MMP20: variants seen among roughly 807,000 people sequenced by gnomAD.
MMP20 encodes the protein matrix metallopeptidase 20, also known as matrix metalloproteinase-20.
A neutral mutation model predicts 51.8 loss-of-function variants in MMP20; 50 were observed. That is an observed-to-expected ratio of 0.97 (90% CI 0.77 to 1.22). The LOEUF is 1.22. Among genes scored for constraint, MMP20 ranks in the 50% most tolerant of loss-of-function variants. The pLI, the probability that MMP20 is intolerant of heterozygous loss-of-function variation, is 0.00. For missense variants in MMP20, 663 were observed against 601.4 expected (o/e 1.10, Z -1.07); for synonymous variants, 244 against 216.2 (o/e 1.13, Z -1.13).
intron 8 of MMP20, among the ~76,000 whole-genome samples, chr11:102,589,000 C>T (rs938762252): frequency 5.3e-5 from 8 of 152,102 alleles, no homozygotes; most frequent in African/African-American, 1.9e-4. Context: ...ATTTTTATAA[C>T]ATTAATCTTA....
At chr11:102,618,629 T>C (rs2135947859) in intron 1 of MMP20, among the ~76,000 whole-genome samples, 1 of 152,216 alleles carries the variant, frequency 6.6e-6, no homozygotes, top group African/African-American at 2.4e-5. Context: ...GGAGAAATCT[T>C]TATAAGGTTA....
At chr11:102,616,172 C>T (rs559779880) in intron 2 of MMP20, among the ~76,000 whole-genome samples, 4 of 152,254 alleles carry the variant, frequency 2.6e-5, no homozygotes, top group African/African-American at 9.6e-5. Context: ...AAGAGTGGAA[C>T]TGCTTCTGCT....
rs200927711 is a variant in MMP20 at position 102,617,546 on chromosome 11, AG to A, written c.127-488del. ...AGATCAGTATGCTTTTAACTCTTAA[AG>A]GCATTGTATTCCAGCCTCTCACACT... is the stretch of plus-strand genomic sequence containing the variant. On this transcript the variant is annotated intron_variant, in intron 1 of 9. Coordinates refer to ENST00000260228, the MANE Select transcript of MMP20 (RefSeq NM_004771.4). Among the ~76,000 whole-genome samples, 321 of 152,306 alleles carry A rather than the reference AG, an allele frequency of 2.1e-3. 1 individual carries two copies. Among genetic ancestry groups the A allele is most frequent in the East Asian group, 0.011 (58 of 5,184 alleles).
intron 8 of MMP20, among the ~76,000 whole-genome samples, chr11:102,583,886 A>C (rs983893622): frequency 3.3e-5 from 5 of 152,146 alleles, no homozygotes; most frequent in African/African-American, 1.2e-4. Flanking sequence ...CAATATGCAG[A>C]TTTTCATGAC....
chr11:102,586,486 G>A (rs1859255641), intron 8 of MMP20, among the ~76,000 whole-genome samples: 1 of 151,970 alleles, frequency 6.6e-6, no homozygotes. Context: ...GAGTAGCAAT[G>A]TCTCCTCTTT....
Position 102,608,946 on chromosome 11 carries a change from C to T in MMP20, c.802G>A (p.Ala268Thr), listed in dbSNP as rs772048833. ...AAGGTAATAATCTTACCGTATAATGCCTGGATCCCTTTCACATCATCTTTG... is the reference window on the plus strand; with the variant it reads ...AAGGTAATAATCTTACCGTATAATGTCTGGATCCCTTTCACATCATCTTTG... ...LPKDDVKGIQ[A>T]LYGPRKVFLG... The change falls in exon 5 of 10, where the codon GCA (alanine) becomes ACA (threonine). Residue 268 changes from alanine (A) to threonine (T), a missense_variant. Ala to Thr is a moderately conservative substitution (Grantham distance 58). Coordinates refer to ENST00000260228, the MANE Select transcript of MMP20 (RefSeq NM_004771.4). 10 of 1,613,952 alleles carry T rather than the reference C, an allele frequency of 6.2e-6. No individual in the cohort carries two copies. The African/African-American group carries it at 1.1e-4, about 17-fold the overall frequency.
intron 1 of MMP20, among the ~76,000 whole-genome samples, chr11:102,621,026 C>T (rs1859743867): frequency 1.3e-5 from 2 of 152,202 alleles, no homozygotes; most frequent in Admixed American, 1.3e-4. Flanking sequence ...CGTGGCTGGC[C>T]CACCCTTCAG....
chr11:102,581,056 C>T (rs1408618234), intron 8 of MMP20, among the ~76,000 whole-genome samples: 1 of 152,116 alleles, frequency 6.6e-6, no homozygotes, highest in Non-Finnish European at 1.5e-5. Flanking sequence ...ACTCTGTTAC[C>T]TGCTGACTCC....
chr11:102,608,394 TC>T (rs1232198006), intron 5 of MMP20, among the ~76,000 whole-genome samples: 1 of 152,204 alleles, frequency 6.6e-6, no homozygotes, highest in Non-Finnish European at 1.5e-5. Context: ...TCTTAGGATA[TC>T]TTAGGATACT....
intron 6 of MMP20, among the ~76,000 whole-genome samples, chr11:102,605,747 C>A (rs771220769): frequency 4.6e-5 from 7 of 152,142 alleles, no homozygotes; most frequent in Non-Finnish European, 8.8e-5. Flanking sequence ...CATGAATGCT[C>A]CTGAGATGCC....
chr11:102,603,539 T>G (rs1256436185), intron 6 of MMP20, among the ~76,000 whole-genome samples: 1 of 152,218 alleles, frequency 6.6e-6, no homozygotes, highest in Non-Finnish European at 1.5e-5. Context: ...GGAATAATAC[T>G]TCAGGCCTCA....
At chr11:102,606,192 C>A (rs1314141703) in intron 6 of MMP20, among the ~76,000 whole-genome samples, 2 of 152,218 alleles carry the variant, frequency 1.3e-5, no homozygotes, top group Non-Finnish European at 2.9e-5. Context: ...CCTAGCTCAG[C>A]CATTTAACTG....
Position 102,609,911 on chromosome 11 carries a change from T to G in MMP20, c.643A>C (p.Thr215Pro), listed in dbSNP as rs371007401. The G allele has an allele frequency of 6.2e-7, 1 of 1,614,158 alleles. No homozygotes were observed. The highest frequency in any genetic ancestry group is 1.1e-5 in the South Asian group (1 of 91,084). ...FDNAEKWTMG[T>P]NGFNLFTVAA... ...GTGAATTGTGCATATATACCATTCGTTCCCATAGTCCACTTCTCAGCATTG... is the reference window on the plus strand; with the variant it reads ...GTGAATTGTGCATATATACCATTCGGTCCCATAGTCCACTTCTCAGCATTG... The change falls in exon 4 of 10, where the codon ACG becomes CCG. Residue 215 changes from threonine (T) to proline (P), a missense_variant. Physicochemically the swap from Thr to Pro is conservative, Grantham distance 38. Transcript: ENST00000260228.
At chr11:102,609,846 G>T (rs902385105) in intron 4 of MMP20, 59 bp downstream of exon 4, 1 of 1,611,400 alleles carries the variant, frequency 6.2e-7, no homozygotes, top group Non-Finnish European at 8.5e-7. Flanking sequence ...AAGGTTTCAT[G>T]ATGGAGCCCA....
rs141334366 is a variant in MMP20, at chr11:102,608,998, G to A, written c.750C>T (p.Tyr250=). 65 of 1,614,070 alleles carry A rather than the reference G, an allele frequency of 4.0e-5. No homozygotes were observed. The African/African-American group carries it at 6.0e-4, about 15-fold the overall frequency. The change falls in exon 5 of 10, where the codon TAC becomes TAT. Residue 250 remains tyrosine, a synonymous_variant. Transcript: ENST00000260228. ...PSALMYPTYK[Y]KNPYGFHLPK... is the part of the protein sequence containing the mutation. ...GGAGGTGGAATCCATAGGGATTCTT[G>A]TACTTATAAGTTGGGTACATCAGTG...
intron 6 of MMP20, among the ~76,000 whole-genome samples, chr11:102,604,974 T>C (rs905469254): frequency 6.6e-6 from 1 of 152,200 alleles, no homozygotes; most frequent in Non-Finnish European, 1.5e-5. Context: ...GAATGCTCTG[T>C]GTTATGTGCC....
At chr11:102,601,346 A>C (rs1859444245) in intron 6 of MMP20, among the ~76,000 whole-genome samples, 1 of 110,086 alleles carries the variant, frequency 9.1e-6, no homozygotes, top group Non-Finnish European at 2.0e-5. Flanking sequence ...TTTAGCCGGG[A>C]TGGTCTCGAT....
In MMP20 at chr11:102,616,427, A is replaced by T. The variant is rs142254837; in HGVS notation, c.374+385T>A. ...GGAATGCATTTCTTGAATCATCAAT[A>T]AAAGATTTTTGGAATCAATGAAATA... On this transcript the variant is annotated intron_variant, in intron 2 of 9. Transcript: ENST00000260228. Among the ~76,000 whole-genome samples the T allele has an allele frequency of 1.9e-4, 29 of 152,368 alleles. 1 individual carries two copies. The highest frequency in any genetic ancestry group is 6.7e-4 in the African/African-American group (28 of 41,584).
chr11:102,578,008 GA>G (rs1390384949), intron 9 of MMP20, among the ~76,000 whole-genome samples: 10 of 151,724 alleles, frequency 6.6e-5, no homozygotes, highest in South Asian at 6.2e-4. Context: ...ATTTTTTCAA[GA>G]AGAGTGTGCT....
Sources: gnomAD v4.1 joint callset for allele counts (sites outside exome capture counted in the v4.1 genomes callset) on GRCh38, gnomAD v4.1.1 for gene constraint, MANE v1.5 for transcripts, NCBI Gene and HGNC (gene_info 2026-07-23, HGNC 2026-07-21) for gene names.